The following SGK3 variants were observed in gnomAD, a reference collection of about 807,000 sequenced individuals.
SGK3 encodes the protein serum/glucocorticoid regulated kinase family member 3.
In SGK3, 47 loss-of-function variants were observed where a neutral mutation model predicts 68.5. That is an observed-to-expected ratio of 0.69 (90% CI 0.54 to 0.87). SGK3 has a LOEUF of 0.87. SGK3 is among the 40% of genes least tolerant of loss of function. The pLI is 0.00. For missense variants in SGK3, 479 were observed against 575.5 expected (o/e 0.83, Z 1.72); for synonymous variants, 181 against 189.1 (o/e 0.96, Z 0.35).
intron 1 of SGK3, among the ~76,000 whole-genome samples, chr8:66,718,490 T>A (rs1270934309): frequency 6.6e-6 from 1 of 151,682 alleles, no homozygotes; most frequent in African/African-American, 2.4e-5. Context: ...CAGTATATAG[T>A]CTATAGAATC....
At chr8:66,789,139 A>G (rs372833893) in intron 1 of SGK3, among the ~76,000 whole-genome samples, 7 of 151,926 alleles carry the variant, frequency 4.6e-5, no homozygotes, top group African/African-American at 1.7e-4. Context: ...AAAAAAAAAC[A>G]CTACATTTAG....
At chr8:66,780,186 GA>G (rs1316456380) in intron 1 of SGK3, among the ~76,000 whole-genome samples, 2 of 152,160 alleles carry the variant, frequency 1.3e-5, no homozygotes, top group Non-Finnish European at 2.9e-5. Flanking sequence ...ATCCAGTGAA[GA>G]GGCAGAAATT....
intron 14 of SGK3, among the ~76,000 whole-genome samples, chr8:66,846,284 A>C (rs1185315627): frequency 6.6e-6 from 1 of 152,170 alleles, no homozygotes; most frequent in Non-Finnish European, 1.5e-5. Context: ...AGAGTACAGA[A>C]ACCTGTACAG....
chr8:66,779,601 T>TAA (rs747085904), intron 1 of SGK3, among the ~76,000 whole-genome samples: 3,221 of 103,968 alleles, frequency 0.031, 67 homozygotes, highest in Non-Finnish European at 0.04. Context: ...TATATATATA[T>TAA]AAAACACATT....
At chr8:66,714,010 G>A (rs547379786) in intron 1 of SGK3, among the ~76,000 whole-genome samples, 74 of 152,276 alleles carry the variant, frequency 4.9e-4, no homozygotes, top group African/African-American at 1.6e-3. Context: ...GTGTAACATG[G>A]TCTCTTTCAA....
At chr8:66,855,619 A>G (rs1172120426) in intron 16 of SGK3, among the ~76,000 whole-genome samples, 1 of 152,236 alleles carries the variant, frequency 6.6e-6, no homozygotes, top group Non-Finnish European at 1.5e-5. Flanking sequence ...ATTTTCCTTA[A>G]CACCTAAAGC....
At chr8:66,787,584 T>C (rs1241693449) in intron 1 of SGK3, among the ~76,000 whole-genome samples, 1 of 152,134 alleles carries the variant, frequency 6.6e-6, no homozygotes, top group Non-Finnish European at 1.5e-5. Flanking sequence ...TTGTTGAGTC[T>C]CTATATAGCC....
rs772292031 is a variant in SGK3, at chr8:66,843,560, A to G, written c.1074+13A>G. On this transcript the variant is annotated intron_variant, in intron 14 of 16. Coordinates refer to ENST00000521198, the MANE Select transcript of SGK3 (RefSeq NM_001033578.3). The stretch of plus-strand genomic sequence containing the variant: ...GCTGTATGGATTGGTATGTATTTCT[A>G]TACCTCATTATTCCAATGTATTATC... The G allele has an allele frequency of 1.8e-5, 29 of 1,605,652 alleles. No homozygotes were observed. In the African/African-American group the frequency reaches 2.8e-4, roughly 16 times the overall value.
At chr8:66,770,478 GTGTTTTTTTC>G (rs1222971092) in intron 1 of SGK3, among the ~76,000 whole-genome samples, 1 of 152,106 alleles carries the variant, frequency 6.6e-6, no homozygotes, top group Non-Finnish European at 1.5e-5. Flanking sequence ...TTACTTCCAT[GTGTTTTTTTC>G]TGTTTTTTGT....
At position 66,859,433 on chromosome 8, in the gene SGK3, ACTTTGACACAG is replaced by A. The variant is rs770626030; in HGVS notation, c.1345_1355del (p.Phe449IlefsTer15). 1.9e-6 allele frequency: 3 copies of A among 1,609,054 alleles called. No homozygotes were observed. Among genetic ancestry groups the A allele is most frequent in the Non-Finnish European group, 2.5e-6 (3 of 1,176,676 alleles). On this transcript the variant is annotated frameshift_variant, in exon 17 of 17. Coordinates refer to ENST00000521198, the MANE Select transcript of SGK3 (RefSeq NM_001033578.3). LOFTEE classifies it high-confidence loss of function. ...TAGGCTGGACCAGATGATATCAGAA[ACTTTGACACAG>A]CATTTACAGAAGAAACAGTTCCATA...
chr8:66,811,225 C>G (rs1808370797), intron 4 of SGK3, among the ~76,000 whole-genome samples: 1 of 152,086 alleles, frequency 6.6e-6, no homozygotes, highest in Admixed American at 6.6e-5. Context: ...ACTATGTTGT[C>G]CAGGCTAGTC....
At chr8:66,798,516 T>C (rs760074440) in intron 2 of SGK3, 26 bp from the exon 3 acceptor site, 2 of 1,586,224 alleles carry the variant, frequency 1.3e-6, no homozygotes, top group Non-Finnish European at 8.6e-7. Context: ...AATTGTGTTA[T>C]ATTATGTAAT....
Position 66,762,334 on chromosome 8 carries a change from C to T in SGK3, c.-121-31282C>T, listed in dbSNP as rs574104008. On this transcript the variant is annotated intron_variant, in intron 1 of 16. Coordinates refer to ENST00000521198, the MANE Select transcript of SGK3 (RefSeq NM_001033578.3). ...AGGAGATCGAGACCATACAAACCAA[C>T]ATGGTGAAATCCCATCTCTACTAAA... 5.3e-5 allele frequency among the ~76,000 whole-genome samples: 8 copies of T among 152,260 alleles called. No homozygotes were observed. In the East Asian group the frequency reaches 1.5e-3, roughly 29 times the overall value.
chr8:66,818,261 C>T (rs1427730357), intron 5 of SGK3, among the ~76,000 whole-genome samples: 2 of 152,146 alleles, frequency 1.3e-5, no homozygotes, highest in Non-Finnish European at 2.9e-5. Context: ...GGAACCCATG[C>T]AAACACTTGA....
rs573553916 is a variant in SGK3 at position 66,830,855 on chromosome 8, A to C, written c.468-399A>C. On this transcript the variant is annotated intron_variant, in intron 7 of 16. Transcript: ENST00000521198. ...ATTACCACGTTATATAGTCCTTAGA[A>C]TGTATCACTTATTTATATAGTTATT... Among the ~76,000 whole-genome samples, 61 of 152,338 alleles carry C rather than the reference A, an allele frequency of 4.0e-4. No homozygotes were observed. The South Asian group carries it at 0.011, about 27-fold the overall frequency.
At chr8:66,745,589 C>CAAA (rs200715635) in intron 1 of SGK3, among the ~76,000 whole-genome samples, 12 of 145,804 alleles carry the variant, frequency 8.2e-5, no homozygotes, top group African/African-American at 2.7e-4. Flanking sequence ...AAAAACAAAA[C>CAAA]AAAACAAAAA....
intron 4 of SGK3, among the ~76,000 whole-genome samples, chr8:66,807,759 T>A (rs1808223289): frequency 6.6e-6 from 1 of 152,238 alleles, no homozygotes; most frequent in Non-Finnish European, 1.5e-5. Context: ...TTTTCCACTT[T>A]GGCCAAGAAA....
At chr8:66,773,741 A>G (rs975344767) in intron 1 of SGK3, among the ~76,000 whole-genome samples, 2 of 152,168 alleles carry the variant, frequency 1.3e-5, no homozygotes, top group Admixed American at 1.3e-4. Context: ...AGCATGGACA[A>G]ACTGGACAGA....
chr8:66,848,233 A>G (rs930528032), intron 15 of SGK3, among the ~76,000 whole-genome samples: 2 of 152,166 alleles, frequency 1.3e-5, no homozygotes, highest in East Asian at 1.9e-4. Flanking sequence ...ATTCATTGAC[A>G]GAGATTGCAG....
Sources: allele counts gnomAD v4.1 joint callset (sites outside exome capture counted in the v4.1 genomes callset), GRCh38; gene constraint gnomAD v4.1.1; transcripts MANE v1.5; gene names NCBI Gene and HGNC (gene_info 2026-07-23, HGNC 2026-07-21).